The following NRXN3 variants were observed in gnomAD, a reference collection of about 807,000 sequenced individuals.
The protein encoded by NRXN3 is neurexin III.
NRXN3 carries 32 observed loss-of-function variants against 137.6 expected under a neutral mutation model. The ratio of observed to expected loss-of-function variants is 0.23; its 90% CI spans 0.18 to 0.31. The LOEUF (loss-of-function observed/expected upper bound fraction) is 0.31, where lower values mean the gene tolerates loss of function less well. Ranked by LOEUF, NRXN3 falls within the 10% of genes least tolerant of loss-of-function variation. NRXN3 has a pLI of 1.00. For synonymous variants in NRXN3, 798 were observed against 784.5 expected, an observed-to-expected ratio of 1.02 and a Z score of -0.29; for missense variants, 1,574 against 2,062.5, an observed-to-expected ratio of 0.76 and a Z score of 4.59.
intron 4 of NRXN3, among the ~76,000 whole-genome samples, chr14:78,428,885 C>A (rs1221682145): frequency 6.6e-6 from 1 of 151,884 alleles, no homozygotes; most frequent in Admixed American, 6.6e-5. Flanking sequence ...TAATCTCACC[C>A]AAAAAAACGC....
chr14:79,593,495 G>A (rs2097828389), intron 16 of NRXN3, among the ~76,000 whole-genome samples: 2 of 152,024 alleles, frequency 1.3e-5, no homozygotes, highest in Non-Finnish European at 2.9e-5. Context: ...GCCGGGCGTG[G>A]TGGCGGGCGC....
chr14:78,191,499 T>C (rs949424050), intron 1 of NRXN3, among the ~76,000 whole-genome samples: 1 of 152,186 alleles, frequency 6.6e-6, no homozygotes, highest in African/African-American at 2.4e-5. Context: ...GGGAGGAGGC[T>C]GAGACCTTCC....
chr14:79,068,019 A>C (rs12884296), intron 15 of NRXN3, among the ~76,000 whole-genome samples: 89,722 of 151,654 alleles, frequency 0.59, 27,230 homozygotes, highest in East Asian at 0.82. Context: ...GTGATCCAAA[A>C]CCTCTGGACA....
chr14:79,549,343 G>A (rs2097352050), intron 16 of NRXN3, among the ~76,000 whole-genome samples: 1 of 152,118 alleles, frequency 6.6e-6, no homozygotes, highest in Admixed American at 6.6e-5. Context: ...ATCTTTGGCA[G>A]TTTCTAGTTC....
chr14:79,347,181 AT>A (rs1236274199), intron 15 of NRXN3, among the ~76,000 whole-genome samples: 1 of 152,184 alleles, frequency 6.6e-6, no homozygotes, highest in Non-Finnish European at 1.5e-5. Flanking sequence ...AAATTAAAAA[AT>A]AACTCAAACT....
intron 8 of NRXN3, among the ~76,000 whole-genome samples, chr14:78,735,425 C>G (rs2098537128): frequency 6.6e-6 from 1 of 152,124 alleles, no homozygotes; most frequent in South Asian, 2.1e-4. Context: ...TCTGACAGGA[C>G]AGAGGGTCTT....
intron 1 of NRXN3, among the ~76,000 whole-genome samples, chr14:78,217,720 G>A (rs768192261): frequency 9.2e-5 from 14 of 152,244 alleles, no homozygotes; most frequent in Admixed American, 6.5e-5. Flanking sequence ...GGAGTGCAGC[G>A]GTGCGATCTT....
At chr14:78,361,644 C>T (rs1021943411) in intron 4 of NRXN3, among the ~76,000 whole-genome samples, 3 of 151,944 alleles carry the variant, frequency 2.0e-5, no homozygotes, top group South Asian at 2.1e-4. Flanking sequence ...TAATCAATAC[C>T]AAGATTTATT....
intron 16 of NRXN3, among the ~76,000 whole-genome samples, chr14:79,486,961 C>CTCTCTCTCTCT (rs2096662787): frequency 8.9e-5 from 13 of 145,962 alleles, no homozygotes; most frequent in African/African-American, 2.1e-4. Flanking sequence ...CTCTCTCTCT[C>CTCTCTCTCTCT]CCACACACAC....
intron 19 of NRXN3, among the ~76,000 whole-genome samples, chr14:79,791,678 T>C (rs2099145915): frequency 6.6e-6 from 1 of 151,932 alleles, no homozygotes; most frequent in Non-Finnish European, 1.5e-5. Context: ...CACAAGCTGA[T>C]TGCTGCAGCT....
At chr14:79,059,160 T>A (rs2099670542) in intron 15 of NRXN3, among the ~76,000 whole-genome samples, 1 of 152,096 alleles carries the variant, frequency 6.6e-6, no homozygotes, top group Non-Finnish European at 1.5e-5. Flanking sequence ...CCTGTTGTAG[T>A]ATCATCTTCT....
At chr14:78,413,059 T>C (rs1340616281) in intron 4 of NRXN3, among the ~76,000 whole-genome samples, 2 of 152,196 alleles carry the variant, frequency 1.3e-5, no homozygotes, top group Non-Finnish European at 2.9e-5. Flanking sequence ...ATCAAGATGA[T>C]TGTCTTGGGT....
intron 10 of NRXN3, among the ~76,000 whole-genome samples, chr14:78,868,114 A>G (rs185690899): frequency 3.4e-4 from 51 of 151,334 alleles, no homozygotes; most frequent in Admixed American, 2.6e-3. Context: ...GTTTTCTCTT[A>G]TAAATCTGTC....
intron 15 of NRXN3, among the ~76,000 whole-genome samples, chr14:79,318,426 T>C (rs1463599235): frequency 7.8e-6 from 1 of 128,970 alleles, no homozygotes; most frequent in Non-Finnish European, 1.7e-5. Flanking sequence ...TTGCTTTTTC[T>C]TAGGTCCAAT....
intron 15 of NRXN3, among the ~76,000 whole-genome samples, chr14:79,433,697 G>T (rs2095800041): frequency 6.6e-6 from 1 of 152,286 alleles, no homozygotes; most frequent in African/African-American, 2.4e-5. Flanking sequence ...AGTGAAATAA[G>T]ATTTTAATAC....
chr14:78,563,878 G>A (rs1189031932), intron 4 of NRXN3, among the ~76,000 whole-genome samples: 2 of 152,182 alleles, frequency 1.3e-5, no homozygotes, highest in Non-Finnish European at 2.9e-5. Flanking sequence ...GGATCATGGG[G>A]GACCCAGAAG....
intron 3 of NRXN3, among the ~76,000 whole-genome samples, chr14:78,289,824 G>T (rs1432293199): frequency 2.6e-5 from 4 of 152,160 alleles, no homozygotes; most frequent in African/African-American, 4.8e-5. Flanking sequence ...TGGGGCAGGA[G>T]AATCGCTTGA....
At chr14:78,983,141 A>G (rs1393211322) in intron 14 of NRXN3, among the ~76,000 whole-genome samples, 4 of 152,182 alleles carry the variant, frequency 2.6e-5, no homozygotes, top group African/African-American at 9.7e-5. Context: ...AACAACAACA[A>G]CAACAAGTAT....
chr14:78,315,617 T>C (rs1345697084), intron 4 of NRXN3, among the ~76,000 whole-genome samples: 1 of 152,228 alleles, frequency 6.6e-6, no homozygotes, highest in Non-Finnish European at 1.5e-5. Flanking sequence ...GTTGTAGTTC[T>C]TGTTTTAAGG....
Sources: allele counts gnomAD v4.1 joint callset (sites outside exome capture counted in the v4.1 genomes callset), GRCh38; gene constraint gnomAD v4.1.1; transcripts MANE v1.5; gene names NCBI Gene and HGNC (gene_info 2026-07-23, HGNC 2026-07-21).